Variants in PRICKLE3 observed in about 807,000 individuals in gnomAD.
PRICKLE3 encodes the protein LIM domain only protein 6.
PRICKLE3 carries 17 observed loss-of-function variants against 33.8 expected under a neutral mutation model. The ratio of observed to expected loss-of-function variants is 0.50; its 90% confidence interval spans 0.34 to 0.75. The LOEUF (loss-of-function observed/expected upper bound fraction) is 0.75, where lower values mean the gene tolerates loss of function less well. Ranked by LOEUF, PRICKLE3 falls within the 30% of genes least tolerant of loss-of-function variation. The pLI is 0.01. For missense variants in PRICKLE3, 573 were observed against 576.7 expected (o/e 0.99, Z 0.07); for synonymous variants, 211 against 219.6 (o/e 0.96, Z 0.34).
rs1276699824 is a variant in PRICKLE3 at position 49,175,060 on chromosome X, T to C, written c.*613A>G. ...TGTGGGTGGTGGTTCTATAGAGGGA[T>C]AAATGAATAATAAACATTGTTAAAA... is the stretch of plus-strand genomic sequence containing the variant. On this transcript the variant is annotated 3_prime_UTR_variant, in exon 9 of 9. Coordinates refer to ENST00000599218, the MANE Select transcript of PRICKLE3 (RefSeq NM_006150.5). The C allele has an allele frequency of 2.2e-4, 70 of 321,054 alleles. No homozygotes were observed. The highest frequency in any genetic ancestry group is 3.7e-4 in the Non-Finnish European group (68 of 183,655). 26.5% of individuals were successfully genotyped at this position (321,054 alleles called of 1,213,427 possible). A position where few individuals can be genotyped will look rare whatever the true frequency, so the allele number is the denominator to read the frequency against.
intron 8 of PRICKLE3, 129 bp downstream of exon 8, chrX:49,176,774 G>A: frequency 1.5e-6 from 1 of 687,698 alleles, no homozygotes; most frequent in Non-Finnish European, 2.0e-6. Context: ...GCTGAGAAAT[G>A]GGCGGGGCCC....
At chrX:49,180,224 G>T (rs1385328067) in intron 3 of PRICKLE3, among the ~76,000 whole-genome samples, 1 of 109,168 alleles carries the variant, frequency 9.2e-6, no homozygotes, top group Non-Finnish European at 1.9e-5. Flanking sequence ...TAGAGACAGG[G>T]TTTCACCATG....
intron 3 of PRICKLE3, among the ~76,000 whole-genome samples, chrX:49,181,959 T>A (rs1376777977): frequency 9.3e-6 from 1 of 107,119 alleles, no homozygotes; most frequent in Non-Finnish European, 1.9e-5. Context: ...TATTTTTTTT[T>A]TTTTTGAGAC....
In PRICKLE3 at chrX:49,177,191, C is replaced by A; in HGVS notation, c.967G>T (p.Gly323Cys). The A allele has an allele frequency of 2.5e-6, 3 of 1,176,573 alleles. No homozygotes were observed. The highest frequency in any genetic ancestry group is 3.4e-6 in the Non-Finnish European group (3 of 881,790). ...TGCTGGCCCTCGTAAGCCATCTGGC[C>A]TTGGTCCAGGCCTGTGGGGAACGAC... ...GCGEHIGLDQ[G>C]QMAYEGQHWH... Residue 323 changes from glycine to cysteine, a missense_variant, in exon 8 of 9, where the codon GGC (glycine) becomes TGC (cysteine). By Grantham distance (159) the Gly-to-Cys change is radical. Transcript: ENST00000599218.
chrX:49,176,043 G>A lies in PRICKLE3; in HGVS notation c.1478C>T (p.Pro493Leu). The change falls in exon 9 of 9, where the codon CCC (proline) becomes CTC (leucine). Residue 493 changes from proline to leucine, a missense_variant. Physicochemically the swap from Pro to Leu is moderately conservative, Grantham distance 98. Transcript: ENST00000599218. ...EGGPRRTLSA[P>L]PAQRRRPRSP... ...GCGTGGCCTGCGGCGCTGGGCCGGGGGTGCACTCAGGGTCCGGCGCGGGCC... is the reference window on the plus strand; with the variant it reads ...GCGTGGCCTGCGGCGCTGGGCCGGGAGTGCACTCAGGGTCCGGCGCGGGCC... 1 of 1,208,264 alleles carries A rather than the reference G, an allele frequency of 8.3e-7. No individual in the cohort carries two copies. Among genetic ancestry groups the A allele is most frequent in the South Asian group, 1.8e-5 (1 of 56,798 alleles).
intron 3 of PRICKLE3, among the ~76,000 whole-genome samples, chrX:49,182,193 C>T (rs936298450): frequency 9.0e-6 from 1 of 110,858 alleles, no homozygotes; most frequent in Non-Finnish European, 1.9e-5. Context: ...GTGATCCACT[C>T]GCCTCGGCCT....
At chrX:49,179,461 G>A (rs1721080704) in intron 4 of PRICKLE3, 73 bp from the exon 5 acceptor site, 7 of 1,164,629 alleles carry the variant, frequency 6.0e-6, no homozygotes, top group South Asian at 3.8e-5. Flanking sequence ...CTTCATCCAT[G>A]CCCCGAAAGT....
At chrX:49,179,667 G>A (rs1557100704) in intron 4 of PRICKLE3, 26 bp downstream of exon 4, 13 of 1,096,602 alleles carry the variant, frequency 1.2e-5, no homozygotes, top group Non-Finnish European at 1.6e-5. Context: ...TGCCTGGCAT[G>A]CCCTTCCTGT....
At chrX:49,181,652 A>G (rs1404041707) in intron 3 of PRICKLE3, among the ~76,000 whole-genome samples, 1 of 64,294 alleles carries the variant, frequency 1.6e-5, no homozygotes, top group Non-Finnish European at 2.9e-5. Context: ...TATATATTAA[A>G]TAATTATTTA....
At position 49,175,952 on chromosome X, in the gene PRICKLE3, G is replaced by A. The variant is rs782475974; in HGVS notation, c.1569C>T (p.Asn523=). The change falls in exon 9 of 9, where the codon AAC becomes AAT. Residue 523 remains asparagine (N), a synonymous_variant. Coordinates refer to ENST00000599218, the MANE Select transcript of PRICKLE3 (RefSeq NM_006150.5). ...HHHHNHHHHH[N]RHPSRRRHYQ... ...AGTGGCGACGTCTGCTTGGGTGGCGGTTGTGATGGTGATGGTGATTATGAT... is the reference window on the plus strand; with the variant it reads ...AGTGGCGACGTCTGCTTGGGTGGCGATTGTGATGGTGATGGTGATTATGAT... The A allele has an allele frequency of 1.1e-5, 13 of 1,209,077 alleles. No individual in the cohort carries two copies. The South Asian group carries it at 1.9e-4, about 18-fold the overall frequency.
intron 8 of PRICKLE3, among the ~76,000 whole-genome samples, 160 bp from the exon 9 acceptor site, chrX:49,176,425 G>A (rs1274261196): frequency 9.1e-6 from 1 of 110,171 alleles, no homozygotes; most frequent in Non-Finnish European, 1.9e-5. Flanking sequence ...GGAAGTGTGA[G>A]GCCTGGAGCA....
At position 49,176,019 on chromosome X, in the gene PRICKLE3, C is replaced by T; in HGVS notation, c.1502G>A (p.Arg501His). 8.3e-7 allele frequency: 1 copy of T among 1,209,259 alleles called. No homozygotes were observed. The highest frequency in any genetic ancestry group is 1.1e-6 in the Non-Finnish European group (1 of 894,535). Residue 501 changes from arginine to histidine, a missense_variant, in exon 9 of 9, where the codon CGC becomes CAC. Physicochemically the swap from Arg to His is conservative, Grantham distance 29 (BLOSUM62 0). Coordinates refer to ENST00000599218, the MANE Select transcript of PRICKLE3 (RefSeq NM_006150.5). ...SAPPAQRRRPRSPPPRAPSRR... is the reference protein window; with the variant it reads ...SAPPAQRRRPHSPPPRAPSRR... ...GCTGGGGGCCCTGGGTGGGGGACTG[C>T]GTGGCCTGCGGCGCTGGGCCGGGGG...
intron 2 of PRICKLE3, 112 bp from the exon 3 acceptor site, chrX:49,184,029 T>G: frequency 1.0e-6 from 1 of 955,966 alleles, no homozygotes; most frequent in Non-Finnish European, 1.4e-6. Context: ...ACCAAAGGTC[T>G]GTGAGCAGGG....
intron 2 of PRICKLE3, among the ~76,000 whole-genome samples, chrX:49,184,297 G>A (rs1557101578): frequency 9.0e-6 from 1 of 111,456 alleles, no homozygotes; most frequent in Non-Finnish European, 1.9e-5. Context: ...CTGGGCCTGG[G>A]AGAGTAGGTC....
intron 3 of PRICKLE3, among the ~76,000 whole-genome samples, chrX:49,181,543 G>GTA (rs2065451838): frequency 5.1e-4 from 5 of 9,755 alleles, no homozygotes; most frequent in African/African-American, 2.3e-3. Context: ...ATATATATAC[G>GTA]TATATGTGTA....
Position 49,177,161 on chromosome X carries a change from G to A in PRICKLE3, c.997C>T (p.His333Tyr). Reference sequence around the variant, plus strand: ...CAGCAGAAGCAGCGGTCTGAGGCATGCCAGTGCTGGCCCTCGTAAGCCATC... The same window carrying A: ...CAGCAGAAGCAGCGGTCTGAGGCATACCAGTGCTGGCCCTCGTAAGCCATC... Reference protein sequence around the residue: ...GQMAYEGQHWHASDRCFCCSR... With the variant: ...GQMAYEGQHWYASDRCFCCSR... The change falls in exon 8 of 9, where the codon CAT (histidine) becomes TAT (tyrosine). Residue 333 changes from histidine (H) to tyrosine (Y), a missense_variant. Coordinates refer to ENST00000599218, the MANE Select transcript of PRICKLE3 (RefSeq NM_006150.5). 1.7e-6 allele frequency: 2 copies of A among 1,189,285 alleles called. No homozygotes were observed. Among genetic ancestry groups the A allele is most frequent in the Non-Finnish European group, 2.3e-6 (2 of 887,245 alleles).
chrX:49,177,005 C>T lies in PRICKLE3; in HGVS notation c.1153G>A (p.Gly385Ser), dbSNP rs782328425. The T allele has an allele frequency of 5.5e-5, 66 of 1,209,015 alleles. No individual in the cohort carries two copies. The highest frequency in any genetic ancestry group is 4.8e-4 in the Admixed American group (22 of 45,780). ...GCTGCAAGTGGGGCTGTGACAGGGC[C>T]GGCACTCCAGCTGCGGCGGCTCGGC... ...PGPSRRSWSA[G>S]PVTAPLAAST... is the part of the protein sequence containing the mutation. Residue 385 changes from glycine (G) to serine (S), a missense_variant, in exon 8 of 9, where the codon GGC becomes AGC. Coordinates refer to ENST00000599218, the MANE Select transcript of PRICKLE3 (RefSeq NM_006150.5).
At position 49,179,318 on chromosome X, in the gene PRICKLE3, C is replaced by T. The variant is rs782215533; in HGVS notation, c.497G>A (p.Arg166Gln). ...CACGATGCCACGCCCCAGATTCTCC[C>T]GCTTCCGCTGCTGGCTAAAGGCTCG... ...ELRAFSQQRK[R>Q]ENLGRGIVRI... Residue 166 changes from arginine to glutamine, a missense_variant, in exon 5 of 9, where the codon CGG becomes CAG. Transcript: ENST00000599218. 4.8e-5 allele frequency: 58 copies of T among 1,209,494 alleles called. No homozygotes were observed. Among genetic ancestry groups the T allele is most frequent in the South Asian group, 2.3e-4 (13 of 56,675 alleles).
At position 49,183,822 on chromosome X, in the gene PRICKLE3, T is replaced by C. The variant is rs782012580; in HGVS notation, c.224A>G (p.Asp75Gly). Residue 75 changes from aspartate to glycine, a missense_variant, in exon 3 of 9, where the codon GAC (aspartate) becomes GGC (glycine). Coordinates refer to ENST00000599218, the MANE Select transcript of PRICKLE3 (RefSeq NM_006150.5). ...LERIMCRLIS[D>G]FQRHSISDDD... is the part of the protein sequence containing the mutation. ...GTCGGAGATGGAGTGGCGCTGGAAG[T>C]CCGAGATTAGCCGACACATGATGCG... The C allele has an allele frequency of 9.1e-6, 11 of 1,209,098 alleles. No individual in the cohort carries two copies. In the East Asian group the frequency reaches 2.1e-4, roughly 23 times the overall value.
Sources: gnomAD v4.1 joint callset for allele counts (sites outside exome capture counted in the v4.1 genomes callset) on GRCh38, gnomAD v4.1.1 for gene constraint, MANE v1.5 for transcripts, NCBI Gene and HGNC (gene_info 2026-07-23, HGNC 2026-07-21) for gene names.